The following EEIG1 variants were observed in gnomAD, a reference collection of about 807,000 sequenced individuals.
EEIG1 encodes early estrogen-induced gene 1 protein.
chr9:127,945,269 G>T, the EEIG1 span: 1 of 1,018,026 alleles, frequency 9.8e-7, no homozygotes, highest in Non-Finnish European at 1.4e-6. This position sits in a 1 kb window ranked among gnomAD's most constrained non-coding sequence, Gnocchi z 6.5. Flanking sequence ...TCTGAGGTGG[G>T]GACCTTACGG....
At chr9:127,961,241 G>A in the EEIG1 span, among the ~76,000 whole-genome samples, 9 of 152,034 alleles carry the variant, frequency 5.9e-5, no homozygotes, top group Non-Finnish European at 1.0e-4. Flanking sequence ...CCTCAGCCCC[G>A]GGGCCCCTCT....
chr9:127,968,340 C>T, the EEIG1 span, among the ~76,000 whole-genome samples: 4 of 152,094 alleles, frequency 2.6e-5, no homozygotes, highest in Non-Finnish European at 4.4e-5. Context: ...TACCCTCCAT[C>T]CCAGCCCATC....
chr9:127,977,914 T>C, the EEIG1 span, among the ~76,000 whole-genome samples: 9 of 152,144 alleles, frequency 5.9e-5, no homozygotes, highest in African/African-American at 2.2e-4. Flanking sequence ...CCAGCACCAA[T>C]GGTAGCTGGT....
the EEIG1 span, among the ~76,000 whole-genome samples, chr9:127,965,106 C>CAAAAAAAAAAAAAAAA: frequency 1.4e-5 from 1 of 69,702 alleles, no homozygotes; most frequent in African/African-American, 5.6e-5. Flanking sequence ...AAGACTGTCT[C>CAAAAAAAAAAAAAAAA]AAAAAAAAAA....
At chr9:127,947,118 G>A in the EEIG1 span, among the ~76,000 whole-genome samples, 10 of 152,084 alleles carry the variant, frequency 6.6e-5, no homozygotes, top group Admixed American at 6.6e-4. Flanking sequence ...AATAAAAACA[G>A]AGTGCCCAGC....
the EEIG1 span, among the ~76,000 whole-genome samples, chr9:127,967,672 C>T: frequency 3.2e-4 from 48 of 152,242 alleles, no homozygotes; most frequent in African/African-American, 1.1e-3. Context: ...AGTCTCCCAG[C>T]AGGCCTGCCC....
chr9:127,979,948 C>T, the EEIG1 span: 1 of 1,587,148 alleles, frequency 6.3e-7, no homozygotes, highest in Non-Finnish European at 8.6e-7. Context: ...CTAGGTCTCG[C>T]TCATCACCCC....
chr9:127,976,169 G>A, the EEIG1 span, among the ~76,000 whole-genome samples: 1 of 152,224 alleles, frequency 6.6e-6, no homozygotes, highest in African/African-American at 2.4e-5. The surrounding 1 kb of genome is among the most constrained non-coding windows in gnomAD (Gnocchi z 4.1). Flanking sequence ...GTCTGCAGCT[G>A]CTTCCGGCCC....
chr9:127,976,864 T>C, the EEIG1 span, among the ~76,000 whole-genome samples: 1 of 151,584 alleles, frequency 6.6e-6, no homozygotes, highest in Non-Finnish European at 1.5e-5. This position sits in a 1 kb window ranked among gnomAD's most constrained non-coding sequence, Gnocchi z 4.1. Context: ...GTGGGGGAAA[T>C]ATGCTATTGA....
the EEIG1 span, among the ~76,000 whole-genome samples, chr9:127,951,319 C>A: frequency 2.6e-5 from 4 of 152,192 alleles, no homozygotes; most frequent in African/African-American, 9.7e-5. Flanking sequence ...GCTCCAGATA[C>A]AACAGGCTCA....
At chr9:127,966,682 C>T in the EEIG1 span, among the ~76,000 whole-genome samples, 3 of 152,258 alleles carry the variant, frequency 2.0e-5, no homozygotes, top group Non-Finnish European at 4.4e-5. Flanking sequence ...AAACTACTGG[C>T]TTTAACCAAG....
the EEIG1 span, among the ~76,000 whole-genome samples, chr9:127,956,219 G>A: frequency 1.3e-5 from 2 of 152,170 alleles, no homozygotes; most frequent in Non-Finnish European, 2.9e-5. Flanking sequence ...ACCAGTGTGT[G>A]CCAGGCCCTG....
chr9:127,948,009 G>A, the EEIG1 span: 2 of 1,542,386 alleles, frequency 1.3e-6, no homozygotes, highest in Non-Finnish European at 8.8e-7. Flanking sequence ...ACCTGGGCAT[G>A]ACATGGAGGT....
At chr9:127,978,492 G>A in the EEIG1 span, among the ~76,000 whole-genome samples, 1 of 151,882 alleles carries the variant, frequency 6.6e-6, no homozygotes, top group Non-Finnish European at 1.5e-5. Flanking sequence ...CCAGGCACTC[G>A]GCCAGGCCCT....
chr9:127,968,443 C>G, the EEIG1 span, among the ~76,000 whole-genome samples: 1 of 152,236 alleles, frequency 6.6e-6, no homozygotes, highest in Admixed American at 6.5e-5. Context: ...GGAGGAAGGG[C>G]CTCTGTTTTG....
chr9:127,948,706 A>G, the EEIG1 span, among the ~76,000 whole-genome samples: 1 of 152,214 alleles, frequency 6.6e-6, no homozygotes, highest in Non-Finnish European at 1.5e-5. Flanking sequence ...GACTGCCATC[A>G]GCTACAGGCC....
At chr9:127,942,806 C>T in the EEIG1 span, 3 of 278,066 alleles carry the variant, frequency 1.1e-5, no homozygotes, top group Non-Finnish European at 1.4e-5. Context: ...GGTAGAGAGG[C>T]CCCCTCAGCC....
At chr9:127,944,748 C>T in the EEIG1 span, 9 of 1,611,442 alleles carry the variant, frequency 5.6e-6, no homozygotes, top group South Asian at 8.8e-5. Context: ...AGCAGGTGGC[C>T]TCGCCCCCAC....
chr9:127,946,290 A>G, the EEIG1 span, among the ~76,000 whole-genome samples: 7 of 152,216 alleles, frequency 4.6e-5, no homozygotes, highest in Non-Finnish European at 7.4e-5. Context: ...GGTCTGGCCC[A>G]AAGGGACAGG....
Sources: gnomAD v4.1 joint callset for allele counts (sites outside exome capture counted in the v4.1 genomes callset) on GRCh38, gnomAD v4.1.1 for gene constraint, Gnocchi (gnomAD v3.1) non-coding constraint, MANE v1.5 for transcripts, NCBI Gene and HGNC (gene_info 2026-07-23, HGNC 2026-07-21) for gene names.